CCDC171: variants seen among roughly 807,000 people sequenced by gnomAD.
The protein encoded by CCDC171 is coiled-coil domain-containing protein 171.
Under a neutral mutation model 168.2 loss-of-function variants are expected in CCDC171, and 177 were observed. The ratio of observed to expected loss-of-function variants is 1.05; its 90% CI spans 0.93 to 1.19. The LOEUF (loss-of-function observed/expected upper bound fraction) is 1.19, where lower values mean the gene tolerates loss of function less well. Ranked by LOEUF, CCDC171 falls within the 50% of genes most tolerant of loss-of-function variation. The pLI, the probability that CCDC171 is intolerant of heterozygous loss-of-function variation, is 0.00. For missense variants in CCDC171, 1,991 were observed against 1,539.0 expected (o/e 1.29, Z -4.91); for synonymous variants, 687 against 540.8 (o/e 1.27, Z -3.75).
At chr9:16,092,182 C>T in the CCDC171 span, among the ~76,000 whole-genome samples, 4 of 152,260 alleles carry the variant, frequency 2.6e-5, no homozygotes, top group Non-Finnish European at 5.9e-5. Context: ...CTCCAGGTTT[C>T]CTTCATTCCC....
intron 25 of CCDC171, among the ~76,000 whole-genome samples, chr9:15,948,768 G>A (rs201451785): frequency 6.6e-6 from 1 of 151,162 alleles, no homozygotes; most frequent in South Asian, 2.1e-4. Context: ...CCCATTTTGT[G>A]GGTTGCCTGT....
chr9:15,987,757 T>C (rs956268833), intron 3 of CCDC171, among the ~76,000 whole-genome samples: 9 of 152,108 alleles, frequency 5.9e-5, no homozygotes, highest in African/African-American at 2.2e-4. Flanking sequence ...AGATTTGGGA[T>C]TTTTTTTCAC....
chr9:16,061,839 G>T (rs926808658), downstream of CCDC171, among the ~76,000 whole-genome samples: 1 of 152,124 alleles, frequency 6.6e-6, no homozygotes, highest in Non-Finnish European at 1.5e-5. Flanking sequence ...ATTCAGGTTG[G>T]GATAACTCGG....
intron 1 of CCDC171, among the ~76,000 whole-genome samples, chr9:15,559,487 T>C (rs957321247): frequency 1.3e-5 from 2 of 152,216 alleles, no homozygotes; most frequent in African/African-American, 4.8e-5. Context: ...CATTATGTAA[T>C]GGCCTTCTTT....
chr9:15,702,542 C>A (rs62573118), intron 11 of CCDC171, among the ~76,000 whole-genome samples: 69,059 of 151,728 alleles, frequency 0.46, 16,037 homozygotes, highest in Non-Finnish European at 0.51. Flanking sequence ...TTAAAGTCAC[C>A]AGCCACATTA....
chr9:15,832,371 G>C (rs2060269035), intron 21 of CCDC171, among the ~76,000 whole-genome samples: 1 of 152,270 alleles, frequency 6.6e-6, no homozygotes, highest in East Asian at 1.9e-4. Flanking sequence ...TCTGAGAAAT[G>C]TGTCAGACAA....
At chr9:15,921,541 T>G (rs964867430) in intron 25 of CCDC171, among the ~76,000 whole-genome samples, 8 of 151,730 alleles carry the variant, frequency 5.3e-5, no homozygotes, top group African/African-American at 1.9e-4. Flanking sequence ...TTTCAGTGTT[T>G]GCTTCATTGC....
chr9:15,616,838 A>G lies in CCDC171; in HGVS notation c.676-6429A>G, dbSNP rs74740384. ...ATTACATAAGGTTGTTCATAATACT[A>G]TTTGTATTTGGCCATTCTCACATTG... On this transcript the variant is annotated intron_variant, in intron 6 of 25. Coordinates refer to ENST00000380701, the MANE Select transcript of CCDC171 (RefSeq NM_173550.4). Among the ~76,000 whole-genome samples the G allele has an allele frequency of 9.6e-3, 1,468 of 152,290 alleles. 26 individuals are homozygous for G. The highest frequency in any genetic ancestry group is 0.034 in the African/African-American group (1,402 of 41,562).
intron 1 of CCDC171, among the ~76,000 whole-genome samples, chr9:16,052,624 T>C (rs2133073360): frequency 6.6e-6 from 1 of 152,322 alleles, no homozygotes; most frequent in African/African-American, 2.4e-5. Flanking sequence ...AACAACATTC[T>C]TAAGAGTTAA....
chr9:15,779,028 G>T lies in CCDC171; in HGVS notation c.2959G>T (p.Glu987Ter). ...ATTTACACAAAGACTGCATGCTGCA[G>T]AAGTGGAGCGCCGCTCACTACGCTT... ...LGFTQRLHAA[E>*]VERRSLRLEV... Residue 987 changes from glutamate (E) to a stop codon, truncating the protein, a stop_gained, in exon 20 of 26, where the codon GAA becomes TAA. Transcript: ENST00000380701. LOFTEE classifies it high-confidence loss of function. 1 of 1,597,946 alleles carries T rather than the reference G, an allele frequency of 6.3e-7. No individual in the cohort carries two copies. Among genetic ancestry groups the T allele is most frequent in the Non-Finnish European group, 8.5e-7 (1 of 1,173,160 alleles).
At chr9:15,583,538 C>T (rs1361641459) in intron 4 of CCDC171, among the ~76,000 whole-genome samples, 4 of 151,774 alleles carry the variant, frequency 2.6e-5, no homozygotes, top group Admixed American at 2.6e-4. Context: ...AGTGAAGTAA[C>T]TCAGGAATAG....
intron 21 of CCDC171, among the ~76,000 whole-genome samples, chr9:15,803,734 G>A (rs562139284): frequency 1.8e-4 from 25 of 138,426 alleles, no homozygotes; most frequent in African/African-American, 5.7e-4. Flanking sequence ...GTTTAGGACT[G>A]CCTAGGCTAT....
intron 24 of CCDC171, among the ~76,000 whole-genome samples, chr9:15,919,630 G>A (rs909584056): frequency 2.6e-5 from 4 of 151,514 alleles, no homozygotes; most frequent in Non-Finnish European, 5.9e-5. Context: ...TGATTAAACT[G>A]TGATACAATA....
chr9:15,848,865 C>A (rs372211757), intron 22 of CCDC171, 28 bp from the exon 23 acceptor site: 2 of 1,404,754 alleles, frequency 1.4e-6, no homozygotes, highest in South Asian at 2.6e-5. Context: ...TTGAGTTTTA[C>A]TAACACTTAA....
chr9:15,700,600 C>T (rs1477135059), intron 11 of CCDC171, among the ~76,000 whole-genome samples: 1 of 152,144 alleles, frequency 6.6e-6, no homozygotes, highest in African/African-American at 2.4e-5. Flanking sequence ...ACGCTGTCAC[C>T]TCTCAATATG....
chr9:16,021,291 T>C (rs1833156077), intron 4 of CCDC171, among the ~76,000 whole-genome samples: 1 of 152,214 alleles, frequency 6.6e-6, no homozygotes, highest in Non-Finnish European at 1.5e-5. Context: ...TTTCACGATG[T>C]TGGCCAGGAT....
At chr9:15,847,705 C>T (rs1263368285) in intron 22 of CCDC171, among the ~76,000 whole-genome samples, 1 of 152,012 alleles carries the variant, frequency 6.6e-6, no homozygotes, top group Non-Finnish European at 1.5e-5. Context: ...TTGAGACAAA[C>T]TCTTAAACAT....
chr9:15,600,837 G>A (rs1052192336), intron 6 of CCDC171, among the ~76,000 whole-genome samples: 1 of 152,146 alleles, frequency 6.6e-6, no homozygotes, highest in African/African-American at 2.4e-5. Context: ...CCACAATGGC[G>A]GGCGTCCCTC....
At chr9:15,880,170 TTCA>T (rs765501426) in intron 24 of CCDC171, among the ~76,000 whole-genome samples, 3 of 152,206 alleles carry the variant, frequency 2.0e-5, no homozygotes, top group Non-Finnish European at 4.4e-5. Context: ...GATTTTCTTT[TTCA>T]TTGCTTTCTA....
Sources: allele counts gnomAD v4.1 joint callset (sites outside exome capture counted in the v4.1 genomes callset), GRCh38; gene constraint gnomAD v4.1.1; transcripts MANE v1.5; gene names NCBI Gene and HGNC (gene_info 2026-07-23, HGNC 2026-07-21).